Variants in CES5A observed in about 807,000 individuals in gnomAD.
The protein encoded by CES5A is carboxylesterase 5.
In CES5A, 67 loss-of-function variants were observed where a neutral mutation model predicts 62.9. The observed-to-expected ratio is 1.07, with a 90% CI of 0.88 to 1.31. The LOEUF is 1.31. Ranked by LOEUF, CES5A falls within the 50% of genes most tolerant of loss-of-function variation. The pLI is 0.00. For missense variants in CES5A, 748 were observed against 708.5 expected (o/e 1.06, Z -0.63); for synonymous variants, 296 against 280.8 (o/e 1.05, Z -0.54).
intron 11 of CES5A, among the ~76,000 whole-genome samples, chr16:55,849,248 T>G (rs1191542926): frequency 1.3e-5 from 2 of 152,164 alleles, no homozygotes; most frequent in African/African-American, 4.8e-5. Context: ...ACATGGTCCT[T>G]GCCTCTTAAA....
intron 2 of CES5A, among the ~76,000 whole-genome samples, chr16:55,930,825 C>T (rs1285468273): frequency 4.6e-5 from 7 of 152,138 alleles, no homozygotes; most frequent in African/African-American, 1.4e-4. Flanking sequence ...TATCAAAATA[C>T]TGACACATAG....
intron 1 of CES5A, among the ~76,000 whole-genome samples, chr16:55,902,748 G>T (rs1338905177): frequency 6.6e-6 from 1 of 152,144 alleles, no homozygotes; most frequent in Non-Finnish European, 1.5e-5. Flanking sequence ...TTATATATAG[G>T]AAGACATGGG....
intron 1 of CES5A, among the ~76,000 whole-genome samples, chr16:55,915,070 G>A (rs2034133407): frequency 6.7e-6 from 1 of 150,312 alleles, no homozygotes; most frequent in South Asian, 2.1e-4. Context: ...CAGTCCCATT[G>A]TGCATCAGAG....
At chr16:55,929,297 G>T (rs1385065005), upstream of CES5A, among the ~76,000 whole-genome samples, 2 of 152,226 alleles carry the variant, frequency 1.3e-5, no homozygotes, top group African/African-American at 4.8e-5. Flanking sequence ...GTGGGCGCTT[G>T]GCTCGCAAGC....
At chr16:55,920,734 C>A (rs1208701285) in intron 1 of CES5A, among the ~76,000 whole-genome samples, 1 of 152,146 alleles carries the variant, frequency 6.6e-6, no homozygotes, top group African/African-American at 2.4e-5. Flanking sequence ...GAAGCAACTG[C>A]AAACAGGGAA....
At chr16:55,861,346 T>G in intron 7 of CES5A, 66 bp downstream of exon 7, 1 of 811,942 alleles carries the variant, frequency 1.2e-6, no homozygotes, top group East Asian at 2.5e-5. Flanking sequence ...AACAGAGGGG[T>G]AGGATTTGTT....
chr16:55,898,189 CATGCTACACATT>C lies in CES5A; in HGVS notation c.-255-24164_-255-24153del, dbSNP rs149937288. ...AAGGATTTGTGTGCTTTCCTATATGCATGCTACACATTATACTTCAATTAAAAAGTAAAAGCA... is the reference window on the plus strand; with the variant it reads ...AAGGATTTGTGTGCTTTCCTATATGCATACTTCAATTAAAAAGTAAAAGCA... On this transcript the variant is annotated intron_variant, in intron 1 of 12. Transcript: ENST00000518005. Among the ~76,000 whole-genome samples the C allele has an allele frequency of 6.2e-3, 938 of 152,266 alleles. 12 individuals are homozygous for C. Among genetic ancestry groups the C allele is most frequent in the African/African-American group, 0.022 (905 of 41,540 alleles).
chr16:55,926,300 T>C (rs1253167642), upstream of CES5A, among the ~76,000 whole-genome samples: 1 of 152,212 alleles, frequency 6.6e-6, no homozygotes, highest in Non-Finnish European at 1.5e-5. Context: ...AATCTGTTCA[T>C]TGTCCTTCAA....
At chr16:55,906,670 G>A (rs2034042894) in intron 1 of CES5A, among the ~76,000 whole-genome samples, 1 of 152,204 alleles carries the variant, frequency 6.6e-6, no homozygotes, top group South Asian at 2.1e-4. Context: ...GTGTGCTGGG[G>A]AGTCCCAAGA....
At chr16:55,899,537 T>C (rs2033968918) in intron 1 of CES5A, among the ~76,000 whole-genome samples, 1 of 152,208 alleles carries the variant, frequency 6.6e-6, no homozygotes, top group Non-Finnish European at 1.5e-5. Context: ...CCTGCAACAC[T>C]GGTTCATCAG....
At chr16:55,856,333 A>G in intron 9 of CES5A, 44 bp downstream of exon 9, 4 of 1,576,032 alleles carry the variant, frequency 2.5e-6, no homozygotes, top group Non-Finnish European at 3.5e-6. Flanking sequence ...CTATCTGTTA[A>G]GTGCATGTGT....
chr16:55,883,395 C>T (rs1331487960), intron 1 of CES5A, among the ~76,000 whole-genome samples: 1 of 152,190 alleles, frequency 6.6e-6, no homozygotes, highest in African/African-American at 2.4e-5. Context: ...CCTCAGCCTC[C>T]CAAGTAGCTG....
intron 2 of CES5A, among the ~76,000 whole-genome samples, chr16:55,932,177 A>G (rs1597155327): frequency 1.3e-5 from 2 of 152,158 alleles, no homozygotes; most frequent in East Asian, 3.9e-4. Context: ...ATTGGCCAGA[A>G]CCAGTCACAC....
intron 2 of CES5A, among the ~76,000 whole-genome samples, chr16:55,945,558 A>C (rs1437017791): frequency 6.6e-6 from 1 of 152,222 alleles, no homozygotes; most frequent in Non-Finnish European, 1.5e-5. Flanking sequence ...TCTAGCACTA[A>C]CTGGGGACTA....
intron 10 of CES5A, among the ~76,000 whole-genome samples, chr16:55,850,901 C>CT (rs1439876362): frequency 8.1e-5 from 6 of 74,208 alleles, no homozygotes; most frequent in Admixed American, 1.7e-4. Flanking sequence ...TACTCCTTTT[C>CT]TTTTTAAAAA....
At chr16:55,923,301 T>G (rs779691949) in intron 1 of CES5A, among the ~76,000 whole-genome samples, 35 of 151,008 alleles carry the variant, frequency 2.3e-4, no homozygotes, top group Non-Finnish European at 4.7e-4. Flanking sequence ...GAGAGACAAC[T>G]CACATAAATA....
intron 2 of CES5A, among the ~76,000 whole-genome samples, chr16:55,932,958 T>C (rs1435134919): frequency 1.3e-5 from 2 of 152,356 alleles, no homozygotes; most frequent in African/African-American, 2.4e-5. Flanking sequence ...AAGTTCAGAC[T>C]AGGGTAGCAG....
intron 1 of CES5A, among the ~76,000 whole-genome samples, chr16:55,894,020 A>G (rs1398091048): frequency 6.6e-6 from 1 of 152,212 alleles, no homozygotes; most frequent in Non-Finnish European, 1.5e-5. Context: ...AAAAAAAGCA[A>G]TAAGAATGGT....
intron 1 of CES5A, among the ~76,000 whole-genome samples, chr16:55,919,110 C>T (rs1597149922): frequency 6.6e-6 from 1 of 152,228 alleles, no homozygotes; most frequent in East Asian, 1.9e-4. Flanking sequence ...CACATAGAGT[C>T]AGTCACAGAA....
Sources: gnomAD v4.1 joint callset for allele counts (sites outside exome capture counted in the v4.1 genomes callset) on GRCh38, gnomAD v4.1.1 for gene constraint, MANE v1.5 for transcripts, NCBI Gene and HGNC (gene_info 2026-07-23, HGNC 2026-07-21) for gene names.